SYNE2: variants seen among roughly 807,000 people sequenced by gnomAD.
SYNE2 encodes the protein nesprin-2.
A neutral mutation model predicts 856.3 loss-of-function variants in SYNE2; 431 were observed. That is an observed-to-expected ratio of 0.50 (90% CI 0.47 to 0.55). The LOEUF is 0.55. Ranked by LOEUF, SYNE2 falls within the 20% of genes least tolerant of loss-of-function variation. The pLI is 0.00. For missense variants in SYNE2, 8,129 were observed against 8,023.2 expected, an observed-to-expected ratio of 1.01 and a Z score of -0.50; for synonymous variants, 2,923 against 2,872.3, an observed-to-expected ratio of 1.02 and a Z score of -0.56.
intron 79 of SYNE2, 82 bp from the exon 80 acceptor site, chr14:64,139,854 CAATAA>C: frequency 7.3e-7 from 1 of 1,376,382 alleles, no homozygotes; most frequent in South Asian, 1.2e-5. Context: ...GGAGGACATA[CAATAA>C]AATAAGAAAA....
At chr14:64,049,568 A>G (rs776093422) in intron 46 of SYNE2, 43 bp from the exon 47 acceptor site, 17 of 1,603,330 alleles carry the variant, frequency 1.1e-5, no homozygotes, top group Admixed American at 1.7e-5. Context: ...TAATGCATAA[A>G]TAAGTGAGTG....
At chr14:64,225,219 A>G (rs2098713686) in intron 115 of SYNE2, 100 bp from the exon 116 acceptor site, 1 of 1,591,970 alleles carries the variant, frequency 6.3e-7, no homozygotes, top group African/African-American at 1.3e-5. Flanking sequence ...TTTAAATCTC[A>G]GGTCTTGGAT....
At chr14:63,829,553 A>G (rs918647735) in intron 1 of SYNE2, among the ~76,000 whole-genome samples, 8 of 152,200 alleles carry the variant, frequency 5.3e-5, no homozygotes, top group African/African-American at 1.9e-4. Context: ...ACGTATCTAC[A>G]CAAAAACTTA....
chr14:63,989,294 C>A (rs905352621), intron 19 of SYNE2, among the ~76,000 whole-genome samples: 1 of 152,146 alleles, frequency 6.6e-6, no homozygotes, highest in Non-Finnish European at 1.5e-5. Context: ...TACTCTTAGG[C>A]TTCGAAAGAC....
At position 64,029,222 on chromosome 14, in the gene SYNE2, C is replaced by T. The variant is rs189208094; in HGVS notation, c.6715-673C>T. On this transcript the variant is annotated intron_variant, in intron 43 of 115. Transcript: ENST00000555002. Reference sequence around the variant, plus strand: ...AGAAGTGTTTATAATTCTTTGTACACTGAAAGCCAGATTCCATGTAAACAT... The same window carrying T: ...AGAAGTGTTTATAATTCTTTGTACATTGAAAGCCAGATTCCATGTAAACAT... Among the ~76,000 whole-genome samples, 147 of 152,294 alleles carry T rather than the reference C, an allele frequency of 9.7e-4. 1 individual carries two copies. Among genetic ancestry groups the T allele is most frequent in the Non-Finnish European group, 1.1e-3 (74 of 68,026 alleles).
chr14:64,023,301 G>T, intron 38 of SYNE2: 1 of 162,500 alleles, frequency 6.2e-6, no homozygotes, highest in East Asian at 1.8e-4. Flanking sequence ...ATTTTCACAT[G>T]AGAGATAATA....
At chr14:63,801,505 C>G (rs1170794542) in intron 1 of SYNE2, among the ~76,000 whole-genome samples, 20 of 152,022 alleles carry the variant, frequency 1.3e-4, no homozygotes, top group Admixed American at 1.3e-3. Context: ...CATGGAGAAG[C>G]CCCATCTCTA....
At chr14:64,158,531 T>A in intron 85 of SYNE2, 94 bp from the exon 86 acceptor site, 1 of 1,396,088 alleles carries the variant, frequency 7.2e-7, no homozygotes, top group Non-Finnish European at 1.0e-6. Flanking sequence ...TACTCTCAAA[T>A]TGAAATGCCT....
chr14:64,116,495 G>A (rs966603205), intron 66 of SYNE2, among the ~76,000 whole-genome samples: 2 of 152,164 alleles, frequency 1.3e-5, no homozygotes, highest in African/African-American at 2.4e-5. Flanking sequence ...TCGGCACACT[G>A]CAACTTCTGC....
rs201382040 is a variant in SYNE2, at chr14:64,144,987, C to T, written c.15483+1039C>T. ...TGTTGCCCAGGCTGGAGTGCAGTGG[C>T]GCGATCTCGGCTCACTGCAACTTCC... is the stretch of plus-strand genomic sequence containing the variant. On this transcript the variant is annotated intron_variant, in intron 83 of 115. Coordinates refer to ENST00000555002, the MANE Select transcript of SYNE2 (RefSeq NM_182914.3). 4.2e-5 allele frequency among the ~76,000 whole-genome samples: 6 copies of T among 142,286 alleles called. No homozygotes were observed. The East Asian group carries it at 1.1e-3, about 25-fold the overall frequency. 93.3% of individuals were successfully genotyped at this position (142,286 alleles called of 152,430 possible).
At chr14:63,841,130 G>A (rs1890054638) in intron 1 of SYNE2, among the ~76,000 whole-genome samples, 1 of 152,122 alleles carries the variant, frequency 6.6e-6, no homozygotes, top group Non-Finnish European at 1.5e-5. Context: ...TAGAGGGGGG[G>A]CCCCAAGTGG....
chr14:63,831,946 T>G (rs1376758774), intron 1 of SYNE2, among the ~76,000 whole-genome samples: 1 of 152,142 alleles, frequency 6.6e-6, no homozygotes, highest in Non-Finnish European at 1.5e-5. Context: ...TTTTTAAATT[T>G]CAATATTCAA....
Position 64,212,000 on chromosome 14 carries a change from G to A in SYNE2, c.18763G>A (p.Glu6255Lys). The stretch of plus-strand genomic sequence containing the variant: ...GAGGGAAGAATTTGAGGGCACCAGG[G>A]AGAGCATTCTGGTGTGGCTCACAGA... ...NQREEFEGTR[E>K]SILVWLTEMD... Residue 6255 changes from glutamate to lysine, a missense_variant, in exon 104 of 116, where the codon GAG becomes AAG. Transcript: ENST00000555002. The A allele has an allele frequency of 1.2e-6, 2 of 1,614,204 alleles. No homozygotes were observed. The highest frequency in any genetic ancestry group is 1.7e-6 in the Non-Finnish European group (2 of 1,180,046).
chr14:64,106,477 A>G (rs2097772407), intron 64 of SYNE2, among the ~76,000 whole-genome samples: 1 of 152,130 alleles, frequency 6.6e-6, no homozygotes, highest in Admixed American at 6.5e-5. Context: ...GTGAAACCCC[A>G]TCTCTACTAA....
Position 63,909,217 on chromosome 14 carries a change from T to G in SYNE2, c.69T>G (p.Ile23Met). ...CCTGGGGCATCGACGATCTCCATATTTCATTGCAAGGTAATTAAGATTGGG... is the reference window on the plus strand; with the variant it reads ...CCTGGGGCATCGACGATCTCCATATGTCATTGCAAGGTAATTAAGATTGGG... The part of the protein sequence containing the change: ...QGSWGIDDLH[I>M]SLQAEQEDTQ... The change falls in exon 2 of 116, where the codon ATT (isoleucine) becomes ATG (methionine). Residue 23 changes from isoleucine to methionine, a missense_variant. This residue lies in a region of SYNE2 where 2,422 missense variants were observed against 2,357.4 expected (regional missense o/e 1.03). Coordinates refer to ENST00000555002, the MANE Select transcript of SYNE2 (RefSeq NM_182914.3). The G allele has an allele frequency of 6.2e-7, 1 of 1,612,050 alleles. No homozygotes were observed. The highest frequency in any genetic ancestry group is 8.5e-7 in the Non-Finnish European group (1 of 1,178,676).
intron 11 of SYNE2, among the ~76,000 whole-genome samples, chr14:63,974,892 GTATATATATATATATATATATATA>G (rs145247655): frequency 2.1e-4 from 14 of 67,320 alleles, no homozygotes; most frequent in Admixed American, 4.8e-4. Flanking sequence ...GTGTGTGTGT[GTATATATATATATATATATATATA>G]TGTATCTTGA....
chr14:64,006,925 T>C, intron 30 of SYNE2, 118 bp from the exon 31 acceptor site: 1 of 771,896 alleles, frequency 1.3e-6, no homozygotes, highest in Non-Finnish European at 2.3e-6. Flanking sequence ...ATGTGTAATT[T>C]TGGCATTAAC....
chr14:63,788,954 C>G (rs577786904), intron 1 of SYNE2, among the ~76,000 whole-genome samples: 17 of 152,256 alleles, frequency 1.1e-4, no homozygotes, highest in African/African-American at 4.1e-4. Flanking sequence ...GATGTGTAGT[C>G]AACCCAAGTG....
intron 70 of SYNE2, among the ~76,000 whole-genome samples, chr14:64,123,585 C>T (rs1263641689): frequency 6.6e-6 from 1 of 152,120 alleles, no homozygotes; most frequent in African/African-American, 2.4e-5. Context: ...ATTATTAGTT[C>T]TTTCCCCAAG....
Sources: gnomAD v4.1 joint callset for allele counts (sites outside exome capture counted in the v4.1 genomes callset) on GRCh38, gnomAD v4.1.1 for gene constraint, gnomAD v4.1.1 regional missense constraint, MANE v1.5 for transcripts, NCBI Gene and HGNC (gene_info 2026-07-23, HGNC 2026-07-21) for gene names.